Variants in LUZP2 observed in about 807,000 individuals in gnomAD.
The protein encoded by LUZP2 is leucine zipper protein 2.
A neutral mutation model predicts 51.6 loss-of-function variants in LUZP2; 52 were observed. The observed-to-expected ratio is 1.01, with a 90% confidence interval of 0.81 to 1.27. The LOEUF (loss-of-function observed/expected upper bound fraction) is 1.27. Among genes scored for constraint, LUZP2 ranks in the 50% most tolerant of loss-of-function variants. LUZP2 has a pLI of 0.00. For synonymous variants in LUZP2, 154 were observed against 137.3 expected, an observed-to-expected ratio of 1.12 and a Z score of -0.85; for missense variants, 436 against 395.4, an observed-to-expected ratio of 1.10 and a Z score of -0.87.
chr11:24,524,735 A>G (rs901780255), intron 1 of LUZP2, among the ~76,000 whole-genome samples: 1 of 151,692 alleles, frequency 6.6e-6, no homozygotes, highest in Non-Finnish European at 1.5e-5. Flanking sequence ...GCTAGATAGG[A>G]CACTGAGGCA....
chr11:24,513,087 C>T (rs1850363195), intron 1 of LUZP2, among the ~76,000 whole-genome samples: 2 of 152,030 alleles, frequency 1.3e-5, no homozygotes, highest in South Asian at 4.1e-4. Context: ...ACATAGTTTT[C>T]CTTTCAGTCT....
At chr11:25,008,859 G>C (rs1412988615) in intron 9 of LUZP2, among the ~76,000 whole-genome samples, 1 of 152,106 alleles carries the variant, frequency 6.6e-6, no homozygotes, top group African/African-American at 2.4e-5. Flanking sequence ...ATTGGCCCAT[G>C]GGCGGGCCTG....
chr11:24,941,121 A>G (rs888234097), intron 7 of LUZP2, among the ~76,000 whole-genome samples: 1 of 152,188 alleles, frequency 6.6e-6, no homozygotes, highest in East Asian at 1.9e-4. Context: ...CATAGCCATC[A>G]TGAGTCCCCT....
chr11:24,519,934 A>G (rs1347038644), intron 1 of LUZP2, among the ~76,000 whole-genome samples: 9 of 152,220 alleles, frequency 5.9e-5, no homozygotes, highest in Non-Finnish European at 1.0e-4. Flanking sequence ...TAGTAACTCA[A>G]TATAACAACA....
chr11:24,602,385 TATACAC>T (rs1297275004), intron 1 of LUZP2, among the ~76,000 whole-genome samples: 4 of 86,610 alleles, frequency 4.6e-5, no homozygotes, highest in African/African-American at 7.4e-5. Context: ...TATATATATA[TATACAC>T]ACACACACAC....
chr11:25,046,206 A>G (rs1484441327), intron 9 of LUZP2, among the ~76,000 whole-genome samples: 2 of 122,832 alleles, frequency 1.6e-5, no homozygotes, highest in South Asian at 3.3e-4. Context: ...ATACCATACC[A>G]TGAGAGAAAA....
intron 5 of LUZP2, among the ~76,000 whole-genome samples, chr11:24,858,493 C>T (rs1305065258): frequency 6.6e-6 from 1 of 152,086 alleles, no homozygotes; most frequent in African/African-American, 2.4e-5. Flanking sequence ...TAACATCACA[C>T]CTAGAGAAAA....
chr11:24,973,855 A>T (rs974522133), intron 7 of LUZP2, among the ~76,000 whole-genome samples: 1 of 151,336 alleles, frequency 6.6e-6, no homozygotes, highest in Non-Finnish European at 1.5e-5. Context: ...ACTTCCTCTT[A>T]TGTGATCAAT....
At chr11:24,558,000 T>G (rs2133764156) in intron 1 of LUZP2, among the ~76,000 whole-genome samples, 1 of 152,186 alleles carries the variant, frequency 6.6e-6, no homozygotes, top group South Asian at 2.1e-4. Flanking sequence ...GTTGGTAAAC[T>G]TAGTGGGGGA....
At chr11:24,949,240 C>T (rs1206351776) in intron 7 of LUZP2, among the ~76,000 whole-genome samples, 1 of 151,314 alleles carries the variant, frequency 6.6e-6, no homozygotes, top group East Asian at 1.9e-4. Flanking sequence ...ATGATGTCTA[C>T]CTACATCCTC....
chr11:24,908,149 A>G (rs180935114), intron 6 of LUZP2, among the ~76,000 whole-genome samples: 10 of 152,286 alleles, frequency 6.6e-5, no homozygotes, highest in Admixed American at 4.6e-4. Context: ...ATTGCCTGTT[A>G]GATCAGTGAC....
intron 1 of LUZP2, among the ~76,000 whole-genome samples, chr11:24,650,872 C>T (rs1421488548): frequency 6.6e-6 from 1 of 152,030 alleles, no homozygotes; most frequent in East Asian, 1.9e-4. Context: ...TTCTTAAATA[C>T]ATTACCTTAG....
At chr11:25,028,971 G>A (rs1341698153) in intron 9 of LUZP2, among the ~76,000 whole-genome samples, 5 of 152,136 alleles carry the variant, frequency 3.3e-5, no homozygotes, top group Non-Finnish European at 2.9e-5. Context: ...AGTGAAATAA[G>A]CCAGGCACGG....
intron 5 of LUZP2, among the ~76,000 whole-genome samples, chr11:24,896,855 G>A (rs1399622237): frequency 3.3e-5 from 5 of 151,980 alleles, no homozygotes; most frequent in Admixed American, 1.3e-4. Context: ...GTTTGTAAAC[G>A]CACCAATCAG....
At chr11:24,989,688 C>T (rs534441831) in intron 9 of LUZP2, among the ~76,000 whole-genome samples, 2 of 152,106 alleles carry the variant, frequency 1.3e-5, no homozygotes, top group South Asian at 4.1e-4. Flanking sequence ...AACTGGGATA[C>T]GGTGAAACTG....
intron 9 of LUZP2, among the ~76,000 whole-genome samples, chr11:25,008,175 C>T (rs969359397): frequency 6.6e-6 from 1 of 152,196 alleles, no homozygotes. Flanking sequence ...GCACTCAGCT[C>T]ATGCTACTGG....
intron 1 of LUZP2, among the ~76,000 whole-genome samples, chr11:24,559,725 A>G (rs1344139692): frequency 6.6e-6 from 1 of 152,208 alleles, no homozygotes; most frequent in Non-Finnish European, 1.5e-5. Context: ...TTAGAGCAGA[A>G]TAAATAAAAA....
chr11:24,831,787 G>T (rs1850711803), intron 5 of LUZP2: 1 of 152,508 alleles, frequency 6.6e-6, no homozygotes, highest in Non-Finnish European at 1.5e-5. Context: ...ACTTTGGAAA[G>T]GCCAAAGTAA....
At chr11:25,036,778 C>A (rs932241488) in intron 9 of LUZP2, among the ~76,000 whole-genome samples, 3 of 151,796 alleles carry the variant, frequency 2.0e-5, no homozygotes, top group Non-Finnish European at 2.9e-5. Context: ...GAGAGATATT[C>A]TTTGTATTGA....
Sources: allele counts gnomAD v4.1 joint callset (sites outside exome capture counted in the v4.1 genomes callset), GRCh38; gene constraint gnomAD v4.1.1; transcripts MANE v1.5; gene names NCBI Gene and HGNC (gene_info 2026-07-23, HGNC 2026-07-21).